The following IFT80 variants were observed in gnomAD, a reference collection of about 807,000 sequenced individuals.
The protein encoded by IFT80 is intraflagellar transport 80.
Under a neutral mutation model 107.9 loss-of-function variants are expected in IFT80, and 79 were observed. The ratio of observed to expected loss-of-function variants is 0.73; its 90% CI spans 0.61 to 0.88. IFT80 has a LOEUF of 0.88. IFT80 is among the 40% of genes least tolerant of loss of function. The probability of loss-of-function intolerance (pLI) is 0.00; values close to 1 mark genes in which losing one functional copy is unlikely to be tolerated. For synonymous variants in IFT80, 299 were observed against 300.9 expected, an observed-to-expected ratio of 0.99 and a Z score of 0.07; for missense variants, 797 against 914.2, an observed-to-expected ratio of 0.87 and a Z score of 1.65.
intron 2 of IFT80, among the ~76,000 whole-genome samples, chr3:160,382,273 C>T (rs1181547238): frequency 6.6e-6 from 1 of 152,074 alleles, no homozygotes; most frequent in African/African-American, 2.4e-5. Flanking sequence ...TAGGAAAGAA[C>T]TTATGGTTTA....
chr3:160,264,416 A>C (rs1229494828), intron 19 of IFT80, among the ~76,000 whole-genome samples: 1 of 149,078 alleles, frequency 6.7e-6, no homozygotes, highest in Non-Finnish European at 1.5e-5. Flanking sequence ...GCCAGGGATC[A>C]GGATTTTATT....
At chr3:160,336,893 T>C (rs1719518934) in intron 8 of IFT80, among the ~76,000 whole-genome samples, 1 of 152,204 alleles carries the variant, frequency 6.6e-6, no homozygotes, top group South Asian at 2.1e-4. Context: ...TTTATCCCCA[T>C]GCCACACATT....
chr3:160,364,043 A>C (rs763826425), intron 6 of IFT80, among the ~76,000 whole-genome samples: 28 of 152,350 alleles, frequency 1.8e-4, no homozygotes, highest in Non-Finnish European at 3.5e-4. Context: ...GCACAACAAA[A>C]GAAACTACCA....
Position 160,366,837 on chromosome 3 carries a change from A to C in IFT80, c.440-685T>G, listed in dbSNP as rs534777530. On this transcript the variant is annotated intron_variant, in intron 5 of 19. Transcript: ENST00000326448. ...TATGAACAATCCAATTGTACTCTCA[A>C]CCTGTTGTGTTATCAAATACTAGGC... 1.1e-4 allele frequency among the ~76,000 whole-genome samples: 17 copies of C among 151,870 alleles called. No homozygotes were observed. The South Asian group carries it at 3.3e-3, about 30-fold the overall frequency.
intron 5 of IFT80, among the ~76,000 whole-genome samples, chr3:160,368,908 G>C (rs923293243): frequency 6.6e-6 from 1 of 151,836 alleles, no homozygotes; most frequent in Non-Finnish European, 1.5e-5. Flanking sequence ...AAATAATTCA[G>C]TAAATACAAC....
At chr3:160,302,860 G>T (rs1175996272) in intron 11 of IFT80, among the ~76,000 whole-genome samples, 1 of 151,906 alleles carries the variant, frequency 6.6e-6, no homozygotes, top group Non-Finnish European at 1.5e-5. Flanking sequence ...CATCAATATG[G>T]TGATCACATT....
chr3:160,381,423 TA>T, intron 3 of IFT80, 79 bp downstream of exon 3: 1 of 1,101,098 alleles, frequency 9.1e-7, no homozygotes, highest in Non-Finnish European at 1.4e-6. Context: ...ACCAGTTTTG[TA>T]AAACAACTCA....
At chr3:160,323,975 C>A (rs1338455896) in intron 8 of IFT80, among the ~76,000 whole-genome samples, 2 of 152,072 alleles carry the variant, frequency 1.3e-5, no homozygotes, top group Non-Finnish European at 1.5e-5. Context: ...GAAATACAAA[C>A]TACCATCAGA....
intron 16 of IFT80, 98 bp from the exon 17 acceptor site, chr3:160,277,768 T>C (rs1161681839): frequency 5.0e-6 from 4 of 806,190 alleles, no homozygotes; most frequent in Non-Finnish European, 6.2e-6. Context: ...ATATTTTAAT[T>C]TAAAAAATAA....
At chr3:160,262,617 G>A (rs555225060) in intron 19 of IFT80, among the ~76,000 whole-genome samples, 5 of 152,216 alleles carry the variant, frequency 3.3e-5, no homozygotes, top group East Asian at 1.9e-4. Flanking sequence ...GAGCTACCAC[G>A]CCCAGCCACG....
At chr3:160,372,053 T>C (rs1711561409) in intron 5 of IFT80, among the ~76,000 whole-genome samples, 3 of 152,200 alleles carry the variant, frequency 2.0e-5, no homozygotes, top group East Asian at 1.9e-4. Context: ...GATTAAAGTA[T>C]CTTCTGGATT....
chr3:160,377,199 G>A lies in IFT80; in HGVS notation c.370+231C>T, dbSNP rs73154564. Among the ~76,000 whole-genome samples the A allele has an allele frequency of 0.029, 4,362 of 152,102 alleles. 106 individuals carry two copies. The highest frequency in any genetic ancestry group is 0.072 in the Middle Eastern group (21 of 292). On this transcript the variant is annotated intron_variant, in intron 4 of 19. Coordinates refer to ENST00000326448, the MANE Select transcript of IFT80 (RefSeq NM_020800.3). Reference sequence around the variant, plus strand: ...ATTACAACTTTTATTTATTCCATACGTGACCATTCCAAAAGCCTTCTTTGA... The same window carrying A: ...ATTACAACTTTTATTTATTCCATACATGACCATTCCAAAAGCCTTCTTTGA...
intron 11 of IFT80, 121 bp downstream of exon 11, chr3:160,303,794 T>C (rs1306609712): frequency 4.6e-6 from 3 of 658,154 alleles, no homozygotes; most frequent in East Asian, 2.7e-5. Flanking sequence ...AAATGTAAAA[T>C]AGAAACAGAT....
intron 3 of IFT80, among the ~76,000 whole-genome samples, chr3:160,381,265 T>TATATATATATATATATATA (rs1559971346): frequency 2.2e-3 from 292 of 135,040 alleles, no homozygotes; most frequent in Non-Finnish European, 3.4e-3. Context: ...TATATATATA[T>TATATATATATATATATATA]TAAAGCCAAA....
intron 8 of IFT80, among the ~76,000 whole-genome samples, chr3:160,324,666 T>C (rs866421002): frequency 5.9e-4 from 90 of 152,024 alleles, no homozygotes; most frequent in South Asian, 3.1e-3. Context: ...AACCCACAGC[T>C]AATAGCATAC....
intron 19 of IFT80, among the ~76,000 whole-genome samples, 190 bp downstream of exon 19, chr3:160,268,223 C>T (rs1713499993): frequency 6.6e-6 from 1 of 152,016 alleles, no homozygotes; most frequent in African/African-American, 2.4e-5. Context: ...TCAAAATATG[C>T]CTGCAAGATT....
intron 19 of IFT80, 81 bp from the exon 20 acceptor site, chr3:160,258,716 CAGAT>C (rs1029106740): frequency 1.5e-4 from 224 of 1,491,576 alleles, no homozygotes; most frequent in African/African-American, 1.4e-4. Context: ...TAAGAGTAAA[CAGAT>C]AGACTGTGTG....
chr3:160,360,308 A>C (rs1721399816), intron 6 of IFT80, among the ~76,000 whole-genome samples: 1 of 152,212 alleles, frequency 6.6e-6, no homozygotes, highest in South Asian at 2.1e-4. Flanking sequence ...TTTAGACAAA[A>C]AAGAGTAAAA....
chr3:160,285,767 G>T, intron 13 of IFT80, 37 bp downstream of exon 13: 2 of 1,214,450 alleles, frequency 1.6e-6, no homozygotes, highest in Non-Finnish European at 1.2e-6. Flanking sequence ...TAAATAAATA[G>T]TGGCTATTTA....
Sources: gnomAD v4.1 joint callset for allele counts (sites outside exome capture counted in the v4.1 genomes callset) on GRCh38, gnomAD v4.1.1 for gene constraint, MANE v1.5 for transcripts, NCBI Gene and HGNC (gene_info 2026-07-23, HGNC 2026-07-21) for gene names.